Variants in DGKA observed in about 807,000 individuals in gnomAD.
The protein encoded by DGKA is diacylglycerol kinase alpha.
A neutral mutation model predicts 105.0 loss-of-function variants in DGKA; 35 were observed. The observed-to-expected ratio is 0.33, with a 90% CI of 0.25 to 0.44. DGKA has a LOEUF of 0.44. DGKA is among the 20% of genes least tolerant of loss of function. The pLI, the probability that DGKA is intolerant of heterozygous loss-of-function variation, is 1.00. For missense variants in DGKA, 665 were observed against 915.0 expected (o/e 0.73, Z 3.53); for synonymous variants, 296 against 332.0 (o/e 0.89, Z 1.18).
chr12:55,927,821 G>C, upstream of DGKA: 1 of 1,518,010 alleles, frequency 6.6e-7, no homozygotes. Context: ...TGCCCCGCTG[G>C]GCGGCGCCGG....
chr12:55,941,986 C>T lies in DGKA; in HGVS notation c.1251-12C>T, dbSNP rs373421298. The T allele has an allele frequency of 1.2e-6, 2 of 1,613,930 alleles. No homozygotes were observed. Among genetic ancestry groups the T allele is most frequent in the South Asian group, 1.1e-5 (1 of 90,958 alleles). On this transcript the variant is annotated splice_polypyrimidine_tract_variant and intron_variant, in intron 15 of 23. Transcript: ENST00000331886. Reference sequence around the variant, plus strand: ...TTATCCTTCTTCATATTCTCTCTCCCCTTTGTCTCAGGCTCCGATTATTCA... The same window carrying T: ...TTATCCTTCTTCATATTCTCTCTCCTCTTTGTCTCAGGCTCCGATTATTCA...
chr12:55,936,676 G>A, intron 2 of DGKA, 109 bp downstream of exon 2: 1 of 1,438,360 alleles, frequency 7.0e-7, no homozygotes, highest in Non-Finnish European at 9.7e-7. Flanking sequence ...TTTGAGCAGT[G>A]TGCTGCTCAG....
chr12:55,948,757 C>T (rs1021853100), intron 17 of DGKA, among the ~76,000 whole-genome samples: 3 of 151,968 alleles, frequency 2.0e-5, no homozygotes, highest in Non-Finnish European at 2.9e-5. Flanking sequence ...GGCGCAGTGG[C>T]TCACGCCTGT....
At position 55,931,254 on chromosome 12, in the gene DGKA, C is replaced by T. The variant is rs1161880212; in HGVS notation, c.-172C>T. On this transcript the variant is annotated 5_prime_UTR_variant, in exon 1 of 24. Coordinates refer to ENST00000331886, the MANE Select transcript of DGKA (RefSeq NM_001345.5). The stretch of plus-strand genomic sequence containing the variant: ...TGCGACCCCAAGAGCCTTAATGACT[C>T]TAGAAGAGACTCCAGGCAGGGGAAG... 1 of 152,138 alleles carries T rather than the reference C, an allele frequency of 6.6e-6. No individual in the cohort carries two copies. Among genetic ancestry groups the T allele is most frequent in the Non-Finnish European group, 1.5e-5 (1 of 68,064 alleles). 9.4% of individuals were successfully genotyped at this position (152,138 alleles called of 1,614,324 possible).
At chr12:55,938,652 G>A (rs755547693) in intron 6 of DGKA, 92 bp downstream of exon 6, 1 of 1,608,988 alleles carries the variant, frequency 6.2e-7, no homozygotes, top group Non-Finnish European at 8.5e-7. Flanking sequence ...TTAAGAAACA[G>A]AAGAGGATGG....
Position 55,939,209 on chromosome 12 carries a change from G to A in DGKA, c.498G>A (p.Glu166=). ...LRPILQEMMK[E]IDYDGSGSVS... ...AGATTCTTCAGGAGATGATGAAAGAGATTGACTATGATGGCAGTGGCTCTG... is the reference window on the plus strand; with the variant it reads ...AGATTCTTCAGGAGATGATGAAAGAAATTGACTATGATGGCAGTGGCTCTG... Residue 166 remains glutamate (E), a synonymous_variant, in exon 8 of 24, where the codon GAG becomes GAA. Coordinates refer to ENST00000331886, the MANE Select transcript of DGKA (RefSeq NM_001345.5). 6.2e-7 allele frequency: 1 copy of A among 1,614,208 alleles called. No homozygotes were observed. Among genetic ancestry groups the A allele is most frequent in the South Asian group, 1.1e-5 (1 of 91,080 alleles).
chr12:55,939,372 G>T (rs763551899), intron 8 of DGKA, 43 bp from the exon 9 acceptor site: 4 of 1,613,722 alleles, frequency 2.5e-6, no homozygotes, highest in Non-Finnish European at 1.7e-6. Context: ...GATTGGCCCT[G>T]TAAGGGCTTT....
intron 23 of DGKA, 35 bp from the exon 24 acceptor site, chr12:55,953,650 G>C: frequency 6.3e-7 from 1 of 1,599,992 alleles, no homozygotes; most frequent in Non-Finnish European, 8.6e-7. Context: ...CAAAGTATCA[G>C]GTCCTGCCTC....
chr12:55,927,473 A>G (rs1435185003), upstream of DGKA: 1 of 694,180 alleles, frequency 1.4e-6, no homozygotes, highest in African/African-American at 1.8e-5. Context: ...GGGGCCTTAT[A>G]AATGAAGAAA....
In DGKA at chr12:55,940,879, A is replaced by C; in HGVS notation, c.1018-18A>C. 1 of 1,613,182 alleles carries C rather than the reference A, an allele frequency of 6.2e-7. No homozygotes were observed. Among genetic ancestry groups the C allele is most frequent in the Non-Finnish European group, 8.5e-7 (1 of 1,179,332 alleles). ...GCACAATACAGCTTTTCTTCCCTCT[A>C]CTTTCTTCCCCTCCCAGGCCTCTGG... On this transcript the variant is annotated intron_variant, in intron 12 of 23. Coordinates refer to ENST00000331886, the MANE Select transcript of DGKA (RefSeq NM_001345.5). The surrounding 1 kb of genome is among the most constrained non-coding windows in gnomAD (Gnocchi z 4.3).
Position 55,940,881 on chromosome 12 carries a change from T to G in DGKA, c.1018-16T>G, listed in dbSNP as rs1216254303. 6.2e-7 allele frequency: 1 copy of G among 1,613,544 alleles called. No homozygotes were observed. Among genetic ancestry groups the G allele is most frequent in the Non-Finnish European group, 8.5e-7 (1 of 1,179,722 alleles). ...ACAATACAGCTTTTCTTCCCTCTAC[T>G]TTCTTCCCCTCCCAGGCCTCTGGAC... On this transcript the variant is annotated splice_polypyrimidine_tract_variant and intron_variant, in intron 12 of 23. Coordinates refer to ENST00000331886, the MANE Select transcript of DGKA (RefSeq NM_001345.5). The surrounding 1 kb of genome is among the most constrained non-coding windows in gnomAD (Gnocchi z 4.3).
chr12:55,950,133 C>T (rs1225055401), intron 17 of DGKA, among the ~76,000 whole-genome samples: 1 of 151,750 alleles, frequency 6.6e-6, no homozygotes, highest in Non-Finnish European at 1.5e-5. Flanking sequence ...CGCCACCACG[C>T]CTTGCTGATT....
intron 13 of DGKA, 37 bp downstream of exon 13, chr12:55,941,017 C>T: frequency 1.3e-6 from 2 of 1,599,542 alleles, no homozygotes; most frequent in South Asian, 1.1e-5. Context: ...ATGATGGGGG[C>T]AGGTTTTTCA....
At chr12:55,946,452 G>T (rs1451832369) in intron 17 of DGKA, among the ~76,000 whole-genome samples, 1 of 152,092 alleles carries the variant, frequency 6.6e-6, no homozygotes, top group Non-Finnish European at 1.5e-5. Flanking sequence ...TGCCTCCCAG[G>T]TTCAAGTGAT....
chr12:55,952,613 C>A lies in DGKA; in HGVS notation c.1744-121C>A. On this transcript the variant is annotated intron_variant, in intron 20 of 23. Coordinates refer to ENST00000331886, the MANE Select transcript of DGKA (RefSeq NM_001345.5). The surrounding 1 kb of genome is among the most constrained non-coding windows in gnomAD (Gnocchi z 5.1). ...CTAGTCCCTATTTCCATTCCTTGCA[C>A]ACCTCCAAATCCTGCCTTCTCCAGT... 2.3e-6 allele frequency: 3 copies of A among 1,302,704 alleles called. No homozygotes were observed. Among genetic ancestry groups the A allele is most frequent in the Non-Finnish European group, 3.3e-6 (3 of 912,998 alleles). 80.7% of individuals were successfully genotyped at this position (1,302,704 alleles called of 1,614,324 possible).
intron 9 of DGKA, chr12:55,939,730 A>T (rs1211012060): frequency 1.5e-5 from 9 of 614,736 alleles, no homozygotes; most frequent in Non-Finnish European, 2.3e-5. Flanking sequence ...GCATTAAAAA[A>T]GTTGGTGCAA....
chr12:55,948,488 G>T (rs912675584), intron 17 of DGKA, among the ~76,000 whole-genome samples: 17 of 152,114 alleles, frequency 1.1e-4, no homozygotes, highest in Non-Finnish European at 1.5e-5. Flanking sequence ...AGCACTTTGG[G>T]AGGCCAAGGC....
At chr12:55,942,599 G>A in intron 17 of DGKA, 1 of 309,310 alleles carries the variant, frequency 3.2e-6, no homozygotes, top group Non-Finnish European at 6.3e-6. Flanking sequence ...TAAGCCAGAT[G>A]CTGAATGATG....
chr12:55,936,791 T>G, intron 2 of DGKA: 1 of 819,124 alleles, frequency 1.2e-6, no homozygotes, highest in Non-Finnish European at 2.1e-6. Context: ...AGGTCTCGGC[T>G]CTCTACCCAC....
Sources: allele counts gnomAD v4.1 joint callset (sites outside exome capture counted in the v4.1 genomes callset), GRCh38; gene constraint gnomAD v4.1.1; non-coding constraint Gnocchi (gnomAD v3.1); transcripts MANE v1.5; gene names NCBI Gene and HGNC (gene_info 2026-07-23, HGNC 2026-07-21).